WIPF1: variants seen among roughly 807,000 people sequenced by gnomAD.
WIPF1 encodes the protein WAS/WASL-interacting protein family member 1.
WIPF1 carries 13 observed loss-of-function variants against 35.4 expected under a neutral mutation model. The ratio of observed to expected loss-of-function variants is 0.37; its 90% confidence interval spans 0.24 to 0.58. The LOEUF (loss-of-function observed/expected upper bound fraction) is 0.58, where lower values mean the gene tolerates loss of function less well. WIPF1 is among the 20% of genes least tolerant of loss of function. The pLI is 0.74. For synonymous variants in WIPF1, 267 were observed against 266.3 expected (o/e 1.00, Z -0.02); for missense variants, 591 against 667.0 (o/e 0.89, Z 1.25).
chr2:174,628,604 T>C (rs540586067), intron 1 of WIPF1, among the ~76,000 whole-genome samples: 2 of 152,210 alleles, frequency 1.3e-5, no homozygotes, highest in Non-Finnish European at 2.9e-5. Flanking sequence ...GTTCCTCAAA[T>C]CTTCAATCTG....
chr2:174,676,563 C>T (rs908196282), intron 1 of WIPF1: 4 of 152,080 alleles, frequency 2.6e-5, no homozygotes, highest in African/African-American at 4.8e-5. Flanking sequence ...ACCTTGGCCT[C>T]CCAAAGTGCT....
At chr2:174,636,155 T>C (rs979939993) in intron 1 of WIPF1, among the ~76,000 whole-genome samples, 1 of 152,158 alleles carries the variant, frequency 6.6e-6, no homozygotes, top group Non-Finnish European at 1.5e-5. Context: ...AGATGAAAAA[T>C]GATGATGACT....
At chr2:174,567,000 T>C (rs752786886) in intron 7 of WIPF1, 70 bp downstream of exon 7, 1 of 1,491,500 alleles carries the variant, frequency 6.7e-7, no homozygotes, top group Admixed American at 1.7e-5. Context: ...GCCTGGACTT[T>C]CTATATAGCC....
intron 4 of WIPF1, chr2:174,574,637 C>T: frequency 4.6e-6 from 2 of 430,648 alleles, no homozygotes; most frequent in Non-Finnish European, 8.3e-6. Flanking sequence ...TTTTTTTCTA[C>T]CATCAGGTTC....
intron 1 of WIPF1, among the ~76,000 whole-genome samples, chr2:174,588,895 T>C (rs566169525): frequency 3.7e-4 from 56 of 152,314 alleles, no homozygotes; most frequent in Admixed American, 8.5e-4. Context: ...TGCGAACTTG[T>C]TTGCATGGCT....
At chr2:174,582,919 C>T (rs1685285997) in intron 2 of WIPF1, among the ~76,000 whole-genome samples, 1 of 152,214 alleles carries the variant, frequency 6.6e-6, no homozygotes, top group Non-Finnish European at 1.5e-5. Context: ...ATGTGTATTA[C>T]TTCATTTAGC....
chr2:174,665,580 T>C (rs867488420), intron 1 of WIPF1: 38 of 152,228 alleles, frequency 2.5e-4, no homozygotes, highest in African/African-American at 7.2e-4. Context: ...AAAATGCAAA[T>C]TGCTACCTAT....
chr2:174,564,817 A>ATG (rs748241488), intron 7 of WIPF1, among the ~76,000 whole-genome samples: 4 of 45,022 alleles, frequency 8.9e-5, no homozygotes, highest in African/African-American at 1.8e-4. Flanking sequence ...CTTCTGGTGC[A>ATG]CACACACACA....
chr2:174,626,523 T>G lies in WIPF1; in HGVS notation c.-38-40912A>C, dbSNP rs371275076. 3.3e-5 allele frequency among the ~76,000 whole-genome samples: 5 copies of G among 152,158 alleles called. No homozygotes were observed. In the East Asian group the frequency reaches 9.6e-4, roughly 29 times the overall value. On this transcript the variant is annotated intron_variant, in intron 1 of 8. Transcript: ENST00000272746. ...TGTCTGTCTCATAGACATTTCAAAC[T>G]CACTATATCCCAAACAAAAGTCTTA...
At position 174,562,270 on chromosome 2, in the gene WIPF1, C is replaced by T. The variant is rs561519948; in HGVS notation, c.*277G>A. 3.3e-6 allele frequency: 5 copies of T among 1,534,964 alleles called. No homozygotes were observed. The East Asian group carries it at 1.2e-4, about 38-fold the overall frequency. Reference sequence around the variant, plus strand: ...GTTGGTGGAAAGCTGGGATGCAAGTCATCTCTGCCTATTACGACAAAAGCC... The same window carrying T: ...GTTGGTGGAAAGCTGGGATGCAAGTTATCTCTGCCTATTACGACAAAAGCC... On this transcript the variant is annotated 3_prime_UTR_variant, in exon 8 of 8. Coordinates refer to ENST00000679041, the MANE Select transcript of WIPF1 (RefSeq NM_001375834.1).
At chr2:174,611,178 G>A (rs1433558166) in intron 1 of WIPF1, among the ~76,000 whole-genome samples, 1 of 152,092 alleles carries the variant, frequency 6.6e-6, no homozygotes, top group African/African-American at 2.4e-5. Context: ...ATGTGTGGAA[G>A]GAAATTTACC....
Position 174,585,530 on chromosome 2 carries a change from A to G in WIPF1, c.44T>C (p.Phe15Ser). Residue 15 changes from phenylalanine (F) to serine (S), a missense_variant, in exon 2 of 8, where the codon TTT becomes TCT. Phe to Ser is a radical substitution (Grantham distance 155, BLOSUM62 -2). Transcript: ENST00000679041. ...TGGGGAGGAGACACTCACCAGTGCA[A>G]ACGTCGGGGGCGGCGGGGGTGCTGG... ...PPPAPPPPPT[F>S]ALANTEKPTL... 1 of 1,587,280 alleles carries G rather than the reference A, an allele frequency of 6.3e-7. No individual in the cohort carries two copies.
Position 174,572,335 on chromosome 2 carries a change from T to G in WIPF1, c.470A>C (p.His157Pro), listed in dbSNP as rs769677248. 6.2e-7 allele frequency: 1 copy of G among 1,613,678 alleles called. No homozygotes were observed. The highest frequency in any genetic ancestry group is 8.5e-7 in the Non-Finnish European group (1 of 1,179,914). The change falls in exon 5 of 8, where the codon CAC (histidine) becomes CCC (proline). Residue 157 changes from histidine to proline, a missense_variant. By Grantham distance (77) the His-to-Pro change is moderately conservative (BLOSUM62 -2). Transcript: ENST00000679041. ...PGRFPVPSPGHRSGPPEPQRN... is the reference protein window; with the variant it reads ...PGRFPVPSPGPRSGPPEPQRN... ...CTGAGGCTCTGGGGGACCACTTCTG[T>G]GGCCTGGAGAAGGCACAGGAAACCT... is the stretch of plus-strand genomic sequence containing the variant.
chr2:174,567,329 T>C (rs925903392), intron 6 of WIPF1, 146 bp from the exon 7 acceptor site: 1 of 750,550 alleles, frequency 1.3e-6, no homozygotes, highest in Non-Finnish European at 2.2e-6. Context: ...AAGCTGGAAG[T>C]GCTACAAAGG....
chr2:174,590,220 G>C lies in WIPF1; in HGVS notation c.-38-4609C>G, dbSNP rs189279384. On this transcript the variant is annotated intron_variant, in intron 1 of 7. Coordinates refer to ENST00000679041, the MANE Select transcript of WIPF1 (RefSeq NM_001375834.1). The surrounding 1 kb of genome is among the most constrained non-coding windows in gnomAD (Gnocchi z 4.6). ...CTTGCTCTGCCACCTGGCAGATTCA[G>C]ATGGGAATTTGTTTTTCCCATCTGT... Among the ~76,000 whole-genome samples, 4 of 152,336 alleles carry C rather than the reference G, an allele frequency of 2.6e-5. No individual in the cohort carries two copies.
rs924109831 is a variant in WIPF1, at chr2:174,562,135, A to T, written c.*412T>A. On this transcript the variant is annotated 3_prime_UTR_variant, in exon 8 of 8. Transcript: ENST00000679041. ...AGCTTGCTTAGGTGGTCTGTGGTTC[A>T]TAGAAACAGAGAGGAGGCCAAGCAT... The T allele has an allele frequency of 7.1e-6, 11 of 1,550,552 alleles. No homozygotes were observed. The highest frequency in any genetic ancestry group is 2.7e-5 in the African/African-American group (2 of 73,042).
chr2:174,575,448 G>A, intron 3 of WIPF1, 68 bp from the exon 4 acceptor site: 2 of 1,488,606 alleles, frequency 1.3e-6, no homozygotes, highest in Non-Finnish European at 1.8e-6. Context: ...TAAAACAACA[G>A]TACAACAGGG....
In WIPF1 at chr2:174,571,528, G is replaced by A. The variant is rs1684836569; in HGVS notation, c.1129+148C>T. 6.3e-6 allele frequency: 7 copies of A among 1,107,468 alleles called. No individual in the cohort carries two copies. Among genetic ancestry groups the A allele is most frequent in the Non-Finnish European group, 6.9e-6 (5 of 723,300 alleles). 68.6% of individuals were successfully genotyped at this position (1,107,468 alleles called of 1,614,324 possible). On this transcript the variant is annotated intron_variant, in intron 5 of 7. Coordinates refer to ENST00000679041, the MANE Select transcript of WIPF1 (RefSeq NM_001375834.1). The surrounding 1 kb of genome is among the most constrained non-coding windows in gnomAD (Gnocchi z 4.6). ...TCCCCCGGGGTTTACACGAGGTCAC[G>A]ATCACACGTGTCGTGTGCCACTTAA...
At chr2:174,567,747 G>T in intron 6 of WIPF1, 114 bp downstream of exon 6, 1 of 1,172,236 alleles carries the variant, frequency 8.5e-7, no homozygotes, top group Non-Finnish European at 1.2e-6. Context: ...CAGTGCAATG[G>T]AGTGTGATAA....
Sources: gnomAD v4.1 joint callset for allele counts (sites outside exome capture counted in the v4.1 genomes callset) on GRCh38, gnomAD v4.1.1 for gene constraint, Gnocchi (gnomAD v3.1) non-coding constraint, MANE v1.5 for transcripts, NCBI Gene and HGNC (gene_info 2026-07-23, HGNC 2026-07-21) for gene names.